PCDHGA12: variants seen among roughly 807,000 people sequenced by gnomAD.
PCDHGA12 encodes the protein protocadherin gamma subfamily A, 12.
PCDHGA12 carries 43 observed loss-of-function variants against 61.1 expected under a neutral mutation model. The ratio of observed to expected loss-of-function variants is 0.70; its 90% CI spans 0.55 to 0.91. The LOEUF (loss-of-function observed/expected upper bound fraction) is 0.91. PCDHGA12 is among the 40% of genes least tolerant of loss of function. The probability of loss-of-function intolerance (pLI) is 0.00; values close to 1 mark genes in which losing one functional copy is unlikely to be tolerated. For missense variants in PCDHGA12, 1,236 were observed against 1,227.7 expected, an observed-to-expected ratio of 1.01 and a Z score of -0.10; for synonymous variants, 520 against 542.9, an observed-to-expected ratio of 0.96 and a Z score of 0.59.
At position 141,477,961 on chromosome 5, in the gene PCDHGA12, C is replaced by G. The variant is rs199947431; in HGVS notation, c.2425-16846C>G. On this transcript the variant is annotated intron_variant, in intron 1 of 3. Transcript: ENST00000252085. The surrounding 1 kb of genome is among the most constrained non-coding windows in gnomAD (Gnocchi z 4.9). ...CCTACAGTCTCTTGGGATCCCCTAA[C>G]CAGAGCCTTTTTGCCATAGGGCTGC... 10 of 1,614,166 alleles carry G rather than the reference C, an allele frequency of 6.2e-6. No individual in the cohort carries two copies. Among genetic ancestry groups the G allele is most frequent in the Middle Eastern group, 3.3e-4 (2 of 6,062 alleles).
At chr5:141,435,644 T>A (rs913195454) in intron 1 of PCDHGA12, among the ~76,000 whole-genome samples, 1 of 152,170 alleles carries the variant, frequency 6.6e-6, no homozygotes, top group Non-Finnish European at 1.5e-5. Flanking sequence ...TGGGAAAATT[T>A]CTGAAACGTG....
At chr5:141,498,105 G>A (rs150297456) in intron 2 of PCDHGA12, among the ~76,000 whole-genome samples, 4 of 152,206 alleles carry the variant, frequency 2.6e-5, no homozygotes, top group African/African-American at 9.7e-5. Flanking sequence ...TGGTGTGGGC[G>A]TATAATAGGG....
chr5:141,462,477 G>A (rs1430561580), intron 1 of PCDHGA12, among the ~76,000 whole-genome samples: 1 of 151,828 alleles, frequency 6.6e-6, no homozygotes, highest in East Asian at 1.9e-4. Flanking sequence ...TCTGCTTCTC[G>A]TGGTTGTTGT....
At chr5:141,433,487 C>T (rs1052153936) in intron 1 of PCDHGA12, among the ~76,000 whole-genome samples, 3 of 152,094 alleles carry the variant, frequency 2.0e-5, no homozygotes, top group African/African-American at 7.2e-5. Context: ...TCCTGCTTCT[C>T]CCTCCCAAAC....
Position 141,489,524 on chromosome 5 carries a change from T to TA in PCDHGA12, c.2425-5282dup. Reference sequence around the variant, plus strand: ...AATCAAAAGATTGACCGAGAAAGCCTATGTGGAGCCAGCACCAGCTGCCTG... The same window carrying TA: ...AATCAAAAGATTGACCGAGAAAGCCTAATGTGGAGCCAGCACCAGCTGCCTG... On this transcript the variant is annotated intron_variant, in intron 1 of 3. Transcript: ENST00000252085. This position sits in a 1 kb window ranked among gnomAD's most constrained non-coding sequence, Gnocchi z 4.5. 6.2e-7 allele frequency: 1 copy of TA among 1,614,076 alleles called. No homozygotes were observed. Among genetic ancestry groups the TA allele is most frequent in the Non-Finnish European group, 8.5e-7 (1 of 1,180,010 alleles).
At position 141,491,765 on chromosome 5, in the gene PCDHGA12, A is replaced by C; in HGVS notation, c.2425-3042A>C. 1 of 1,569,230 alleles carries C rather than the reference A, an allele frequency of 6.4e-7. No homozygotes were observed. On this transcript the variant is annotated intron_variant, in intron 1 of 3. Coordinates refer to ENST00000252085, the MANE Select transcript of PCDHGA12 (RefSeq NM_003735.3). This position sits in a 1 kb window ranked among gnomAD's most constrained non-coding sequence, Gnocchi z 6.9. The stretch of plus-strand genomic sequence containing the variant: ...GGCACTGGAGAAGCCGCCCGTCCTC[A>C]TAAGGGATTGAACTTGCATCCACTC...
intron 1 of PCDHGA12, among the ~76,000 whole-genome samples, chr5:141,469,172 A>C (rs1310781965): frequency 6.6e-6 from 1 of 152,050 alleles, no homozygotes; most frequent in Admixed American, 6.6e-5. Context: ...GCTACTTGGG[A>C]GGCTGAGGCA....
At chr5:141,483,186 A>G (rs2099578047) in intron 1 of PCDHGA12, among the ~76,000 whole-genome samples, 1 of 152,174 alleles carries the variant, frequency 6.6e-6, no homozygotes, top group Non-Finnish European at 1.5e-5. Flanking sequence ...CAAGCCAAGG[A>G]GTTTTTATTT....
Position 141,489,343 on chromosome 5 carries a change from G to A in PCDHGA12, c.2425-5464G>A, listed in dbSNP as rs377697321. On this transcript the variant is annotated intron_variant, in intron 1 of 3. Coordinates refer to ENST00000252085, the MANE Select transcript of PCDHGA12 (RefSeq NM_003735.3). This position sits in a 1 kb window ranked among gnomAD's most constrained non-coding sequence, Gnocchi z 4.5. ...GGTGTCTGGGCAGCTTCGTTACTCA[G>A]TGGTGGAGGAGTCTGAGCCGGGGAC... The A allele has an allele frequency of 5.6e-6, 9 of 1,611,264 alleles. No individual in the cohort carries two copies. Among genetic ancestry groups the A allele is most frequent in the Non-Finnish European group, 7.6e-6 (9 of 1,178,202 alleles).
intron 1 of PCDHGA12, chr5:141,478,265 G>C: frequency 1.2e-6 from 2 of 1,614,196 alleles, no homozygotes; most frequent in Non-Finnish European, 1.7e-6. Flanking sequence ...CATATTCAAA[G>C]TTTACAAGTG....
rs530139788 is a variant in PCDHGA12, at chr5:141,509,165, C to A, written c.2573-1782C>A. On this transcript the variant is annotated intron_variant, in intron 3 of 3. Coordinates refer to ENST00000252085, the MANE Select transcript of PCDHGA12 (RefSeq NM_003735.3). ...TCCCGGCTCTCCCCTCCCGTGTGCC[C>A]TCCTCCTCTTATGCCGGCTTGAAAA... Among the ~76,000 whole-genome samples the A allele has an allele frequency of 1.4e-4, 21 of 152,332 alleles. No individual in the cohort carries two copies. In the South Asian group the frequency reaches 4.1e-3, roughly 30 times the overall value.
At chr5:141,479,241 G>T (rs2099490987) in intron 1 of PCDHGA12, 1 of 152,174 alleles carries the variant, frequency 6.6e-6, no homozygotes, top group Admixed American at 6.5e-5. Context: ...CAAACCCAAA[G>T]ATAACCATTT....
In PCDHGA12 at chr5:141,433,139, T is replaced by G; in HGVS notation, c.2380T>G (p.Ser794Ala). The G allele has an allele frequency of 6.2e-7, 1 of 1,614,068 alleles. No individual in the cohort carries two copies. The highest frequency in any genetic ancestry group is 8.5e-7 in the Non-Finnish European group (1 of 1,180,002). ...TGAAAAAAGCGAGCCCCTTTTGCTG[T>G]CAGGTGATTCGGTATTTTCTAAAGA... ...SFEKSEPLLL[S>A]GDSVFSKDSH... is the part of the protein sequence containing the mutation. Residue 794 changes from serine to alanine, a missense_variant, in exon 1 of 4, where the codon TCA (serine) becomes GCA (alanine). Ser to Ala is a moderately conservative substitution (Grantham distance 99). Coordinates refer to ENST00000252085, the MANE Select transcript of PCDHGA12 (RefSeq NM_003735.3).
rs191642740 is a variant in PCDHGA12 at position 141,509,833 on chromosome 5, C to T, written c.2573-1114C>T. On this transcript the variant is annotated intron_variant, in intron 3 of 3. Coordinates refer to ENST00000252085, the MANE Select transcript of PCDHGA12 (RefSeq NM_003735.3). ...GAGCTCTTCTCCATCTTCTCTCTAC[C>T]TCCCATTCACTCAGAACAGGGATAA... 2.6e-5 allele frequency among the ~76,000 whole-genome samples: 4 copies of T among 152,300 alleles called. No individual in the cohort carries two copies. The East Asian group carries it at 7.7e-4, about 29-fold the overall frequency.
Position 141,490,480 on chromosome 5 carries a change from C to G in PCDHGA12, c.2425-4327C>G. On this transcript the variant is annotated intron_variant, in intron 1 of 3. Coordinates refer to ENST00000252085, the MANE Select transcript of PCDHGA12 (RefSeq NM_003735.3). This position sits in a 1 kb window ranked among gnomAD's most constrained non-coding sequence, Gnocchi z 5.4. The stretch of plus-strand genomic sequence containing the variant: ...GCTGCTAACCAGCCAGCCTTTGGAC[C>G]GGGAGGCCACATCCCACTATATCAT... 2.5e-6 allele frequency: 4 copies of G among 1,614,194 alleles called. No homozygotes were observed. The highest frequency in any genetic ancestry group is 3.4e-6 in the Non-Finnish European group (4 of 1,180,050).
rs1288507078 is a variant in PCDHGA12 at position 141,476,171 on chromosome 5, G to A, written c.2425-18636G>A. On this transcript the variant is annotated intron_variant, in intron 1 of 3. Transcript: ENST00000252085. This position sits in a 1 kb window ranked among gnomAD's most constrained non-coding sequence, Gnocchi z 7.6. ...GGTAAGCACCGGGAGGGTAGTGGGA[G>A]TTTTGCTTCTGCTTGGTGCCTTGAA... The A allele has an allele frequency of 1.2e-6, 2 of 1,613,442 alleles. No individual in the cohort carries two copies. The highest frequency in any genetic ancestry group is 1.7e-6 in the Non-Finnish European group (2 of 1,179,978).
chr5:141,491,646 G>T lies in PCDHGA12; in HGVS notation c.2425-3161G>T. On this transcript the variant is annotated intron_variant, in intron 1 of 3. Transcript: ENST00000252085. The surrounding 1 kb of genome is among the most constrained non-coding windows in gnomAD (Gnocchi z 6.9). ...GCGTTCAGCAGCCCACAGCTCTGGC[G>T]CTGGAGCCTGACGCCATCCGGTCCC... is the stretch of plus-strand genomic sequence containing the variant. 1 of 1,613,872 alleles carries T rather than the reference G, an allele frequency of 6.2e-7. No individual in the cohort carries two copies. The highest frequency in any genetic ancestry group is 8.5e-7 in the Non-Finnish European group (1 of 1,180,030).
chr5:141,491,243 ATGAGGACCC>A lies in PCDHGA12; in HGVS notation c.2425-3557_2425-3549del. 1 of 1,614,200 alleles carries A rather than the reference ATGAGGACCC, an allele frequency of 6.2e-7. No individual in the cohort carries two copies. Among genetic ancestry groups the A allele is most frequent in the African/African-American group, 1.3e-5 (1 of 75,056 alleles). ...GCCACAGTGCTGCTGGTTCTGGAGG[ATGAGGACCC>A]TGAGGAAATGCCCAAATCCAGTGAC... On this transcript the variant is annotated intron_variant, in intron 1 of 3. Coordinates refer to ENST00000252085, the MANE Select transcript of PCDHGA12 (RefSeq NM_003735.3). This position sits in a 1 kb window ranked among gnomAD's most constrained non-coding sequence, Gnocchi z 6.9.
intron 1 of PCDHGA12, among the ~76,000 whole-genome samples, chr5:141,437,913 T>G (rs1232481433): frequency 6.6e-6 from 1 of 152,138 alleles, no homozygotes; most frequent in East Asian, 1.9e-4. Context: ...AATTTTTGTA[T>G]TTTTAGTAGA....
Sources: allele counts gnomAD v4.1 joint callset (sites outside exome capture counted in the v4.1 genomes callset), GRCh38; gene constraint gnomAD v4.1.1; non-coding constraint Gnocchi (gnomAD v3.1); transcripts MANE v1.5; gene names NCBI Gene and HGNC (gene_info 2026-07-23, HGNC 2026-07-21).